Variants in ARHGEF10 observed in about 807,000 individuals in gnomAD.
ARHGEF10 encodes Rho guanine nucleotide exchange factor (GEF) 10.
A neutral mutation model predicts 147.4 loss-of-function variants in ARHGEF10; 140 were observed. The observed-to-expected ratio is 0.95, with a 90% confidence interval of 0.83 to 1.09. The LOEUF is 1.09. Among genes scored for constraint, ARHGEF10 ranks in the 50% least tolerant of loss-of-function variants. The pLI, the probability that ARHGEF10 is intolerant of heterozygous loss-of-function variation, is 0.00. For missense variants in ARHGEF10, 2,222 were observed against 1,752.7 expected (o/e 1.27, Z -4.78); for synonymous variants, 902 against 695.8 (o/e 1.30, Z -4.67).
At chr8:1,931,415 C>G (rs1264072124) in intron 25 of ARHGEF10, among the ~76,000 whole-genome samples, 1 of 152,232 alleles carries the variant, frequency 6.6e-6, no homozygotes, top group Non-Finnish European at 1.5e-5. Context: ...TACTTGGCTG[C>G]ATTGCTGTCC....
In ARHGEF10 at chr8:1,888,172, A is replaced by C. The variant is rs201614564; in HGVS notation, c.1182+2465A>C. 2.4e-3 allele frequency among the ~76,000 whole-genome samples: 94 copies of C among 38,874 alleles called. 6 individuals are homozygous for C. Among genetic ancestry groups the C allele is most frequent in the Middle Eastern group, 0.018 (1 of 56 alleles). The allele number at this position is 38,874 out of a possible 152,430, so 25.5% of individuals were successfully genotyped here. A position where few individuals can be genotyped will look rare whatever the true frequency, so the allele number is the denominator to read the frequency against. ...AGTGGGGCGAGGGTTGCGAGGAGAC[A>C]GTGAGTGGGGTGAGGGTTTGCGAGG... is the stretch of plus-strand genomic sequence containing the variant. On this transcript the variant is annotated intron_variant, in intron 11 of 28. Coordinates refer to ENST00000349830, the MANE Select transcript of ARHGEF10 (RefSeq NM_014629.4).
chr8:1,894,867 T>C (rs1809848672), intron 13 of ARHGEF10, among the ~76,000 whole-genome samples: 1 of 152,226 alleles, frequency 6.6e-6, no homozygotes, highest in Admixed American at 6.5e-5. Context: ...CATTAGACGA[T>C]TTGCTGAAGC....
chr8:1,917,326 G>A lies in ARHGEF10; in HGVS notation c.2144-5638G>A, dbSNP rs527298720. ...TTGTGAAAAACAGTTTTGTACATTTGCCTTAATTTAAGTTAAAAATTTTTA... is the reference window on the plus strand; with the variant it reads ...TTGTGAAAAACAGTTTTGTACATTTACCTTAATTTAAGTTAAAAATTTTTA... On this transcript the variant is annotated intron_variant, in intron 18 of 28. Transcript: ENST00000349830. 1.9e-3 allele frequency among the ~76,000 whole-genome samples: 291 copies of A among 152,298 alleles called. 1 individual carries two copies. Among genetic ancestry groups the A allele is most frequent in the African/African-American group, 6.8e-3 (284 of 41,552 alleles).
rs771158613 is a variant in ARHGEF10, at chr8:1,928,653, A to G, written c.2921+3A>G. 45 of 1,613,882 alleles carry G rather than the reference A, an allele frequency of 2.8e-5. No individual in the cohort carries two copies. The Admixed American group carries it at 7.0e-4, about 25-fold the overall frequency. ...TGTGTAGGGACGGAGGAGGGAAGGT[A>G]GGGCATGCTCACTGCGTTACAGAGA... On this transcript the variant is annotated splice_donor_region_variant and intron_variant, in intron 24 of 28. Coordinates refer to ENST00000349830, the MANE Select transcript of ARHGEF10 (RefSeq NM_014629.4).
chr8:1,928,503 G>A lies in ARHGEF10; in HGVS notation c.2774G>A (p.Cys925Tyr). 1 of 1,614,200 alleles carries A rather than the reference G, an allele frequency of 6.2e-7. No homozygotes were observed. The highest frequency in any genetic ancestry group is 1.6e-4 in the Middle Eastern group (1 of 6,062). Residue 925 changes from cysteine (C) to tyrosine (Y), a missense_variant, in exon 24 of 29, where the codon TGC becomes TAC. Cys to Tyr is a radical substitution (Grantham distance 194). Transcript: ENST00000349830. ...AATTCCACTCCCAAAGTCATTGAGT[G>A]CTTCAACGTGGAATCTCGCATCCTG... ...FQNSTPKVIE[C>Y]FNVESRILCM...
At chr8:1,894,646 T>C in intron 13 of ARHGEF10, 74 bp downstream of exon 13, 2 of 1,552,008 alleles carry the variant, frequency 1.3e-6, no homozygotes, top group Non-Finnish European at 1.8e-6. Context: ...CTTAGGCTGA[T>C]GTTTTGCCCC....
At chr8:1,940,309 A>C (rs1813983521) in intron 26 of ARHGEF10, among the ~76,000 whole-genome samples, 1 of 152,210 alleles carries the variant, frequency 6.6e-6, no homozygotes, top group Admixed American at 6.5e-5. Flanking sequence ...CTAGCTAAAG[A>C]AACCAGCTAT....
chr8:1,924,023 T>C (rs1812496296), intron 21 of ARHGEF10, 149 bp downstream of exon 21: 4 of 795,010 alleles, frequency 5.0e-6, no homozygotes, highest in Admixed American at 4.0e-5. Flanking sequence ...AAATTCACCC[T>C]GGCACCGGCG....
intron 11 of ARHGEF10, among the ~76,000 whole-genome samples, chr8:1,889,081 G>T (rs1440866438): frequency 9.1e-6 from 1 of 110,034 alleles, no homozygotes; most frequent in Non-Finnish European, 1.9e-5. Context: ...TGGGGTGAGG[G>T]GTCCGTGAGG....
At chr8:1,923,396 T>G in intron 19 of ARHGEF10, 72 bp from the exon 20 acceptor site, 1 of 1,597,270 alleles carries the variant, frequency 6.3e-7, no homozygotes, top group South Asian at 1.1e-5. Context: ...TAAAATTGTG[T>G]CTTTTTATCT....
At chr8:1,950,308 C>T (rs1439971432) in intron 27 of ARHGEF10, among the ~76,000 whole-genome samples, 4 of 152,176 alleles carry the variant, frequency 2.6e-5, no homozygotes, top group African/African-American at 4.8e-5. Flanking sequence ...CGGCACTCAC[C>T]GCAGCCTCTG....
intron 21 of ARHGEF10, among the ~76,000 whole-genome samples, chr8:1,924,698 C>T (rs906539176): frequency 1.3e-5 from 2 of 152,188 alleles, no homozygotes; most frequent in African/African-American, 4.8e-5. Flanking sequence ...GGTCATTTTT[C>T]AGGTCAGGTT....
intron 2 of ARHGEF10, among the ~76,000 whole-genome samples, chr8:1,850,066 C>T (rs1424837653): frequency 8.6e-6 from 1 of 116,344 alleles, no homozygotes; most frequent in African/African-American, 3.4e-5. Context: ...CGTGGGCCGG[C>T]TGCGTGGACA....
At chr8:1,922,310 A>G (rs1812356505) in intron 18 of ARHGEF10, among the ~76,000 whole-genome samples, 1 of 151,820 alleles carries the variant, frequency 6.6e-6, no homozygotes, top group Admixed American at 6.6e-5. Flanking sequence ...TGGGGAACTC[A>G]TTTTCATGGT....
intron 18 of ARHGEF10, among the ~76,000 whole-genome samples, chr8:1,912,383 A>T (rs73671035): frequency 0.16 from 22,809 of 146,590 alleles, 1,844 homozygotes; most frequent in African/African-American, 0.19. Context: ...GCTGTGTGGA[A>T]TGTGCATTTG....
upstream of ARHGEF10, among the ~76,000 whole-genome samples, chr8:1,823,333 T>G (rs1456071265): frequency 9.0e-6 from 1 of 111,192 alleles, no homozygotes; most frequent in African/African-American, 3.5e-5. Flanking sequence ...GAACGCCCTG[T>G]GGGCAGGGCC....
chr8:1,956,671 A>T, intron 28 of ARHGEF10, 78 bp from the exon 29 acceptor site: 5 of 1,538,944 alleles, frequency 3.2e-6, no homozygotes, highest in Non-Finnish European at 4.5e-6. Context: ...CGTTGGGGTT[A>T]AGCCCTGCAC....
Position 1,869,197 on chromosome 8 carries a change from C to G in ARHGEF10, c.626C>G (p.Pro209Arg), listed in dbSNP as rs762100018. The change falls in exon 7 of 29, where the codon CCA becomes CGA. Residue 209 changes from proline (P) to arginine (R), a missense_variant. By Grantham distance (103) the Pro-to-Arg change is moderately radical. Coordinates refer to ENST00000349830, the MANE Select transcript of ARHGEF10 (RefSeq NM_014629.4). ...TGTTTCTCCCCGTTTATTGCAGATC[C>G]AGAGGAAGCAATTTACGATGACGTT... ...DPANTAWMEN[P>R]EEAIYDDVPR... 7.4e-6 allele frequency: 12 copies of G among 1,613,538 alleles called. No individual in the cohort carries two copies. In the Middle Eastern group the frequency reaches 9.9e-4, roughly 133 times the overall value.
At chr8:1,876,350 C>G in intron 7 of ARHGEF10, 4 of 600,172 alleles carry the variant, frequency 6.7e-6, no homozygotes, top group East Asian at 2.8e-5. Flanking sequence ...GTGAGAAACA[C>G]CTGAAGTGCT....
Sources: allele counts gnomAD v4.1 joint callset (sites outside exome capture counted in the v4.1 genomes callset), GRCh38; gene constraint gnomAD v4.1.1; transcripts MANE v1.5; gene names NCBI Gene and HGNC (gene_info 2026-07-23, HGNC 2026-07-21).